Variants in TRAPPC10 observed in about 807,000 individuals in gnomAD.
TRAPPC10 encodes the protein TRAPP 130 kDa subunit.
Under a neutral mutation model 125.5 loss-of-function variants are expected in TRAPPC10, and 23 were observed. That is an observed-to-expected ratio of 0.18 (90% CI 0.13 to 0.26). The LOEUF (loss-of-function observed/expected upper bound fraction) is 0.26. Among genes scored for constraint, TRAPPC10 ranks in the 10% least tolerant of loss-of-function variants. TRAPPC10 has a pLI of 1.00. For missense variants in TRAPPC10, 1,123 were observed against 1,308.4 expected, an observed-to-expected ratio of 0.86 and a Z score of 2.19; for synonymous variants, 509 against 518.0, an observed-to-expected ratio of 0.98 and a Z score of 0.24.
chr21:44,062,465 G>A (rs2036129016), intron 6 of TRAPPC10: 2 of 843,674 alleles, frequency 2.4e-6, no homozygotes, highest in Non-Finnish European at 2.9e-6. Context: ...ATAGGGCACT[G>A]GAGTGGCCTC....
chr21:44,040,296 C>T (rs2034319232), intron 3 of TRAPPC10, among the ~76,000 whole-genome samples: 2 of 152,040 alleles, frequency 1.3e-5, no homozygotes, highest in Admixed American at 1.3e-4. Flanking sequence ...TGCAAGTCTG[C>T]TTCTGTGTTT....
chr21:44,051,628 G>A (rs2035238666), intron 3 of TRAPPC10, among the ~76,000 whole-genome samples: 1 of 152,236 alleles, frequency 6.6e-6, no homozygotes, highest in Admixed American at 6.5e-5. Context: ...TGATTTCTGG[G>A]ATGGCACGGC....
intron 3 of TRAPPC10, among the ~76,000 whole-genome samples, chr21:44,049,149 GC>G (rs1276044045): frequency 6.6e-6 from 1 of 152,100 alleles, no homozygotes; most frequent in Non-Finnish European, 1.5e-5. Context: ...AGTGGGCATG[GC>G]TAGAGAACAC....
intron 3 of TRAPPC10, among the ~76,000 whole-genome samples, chr21:44,041,783 G>A (rs889164775): frequency 6.6e-5 from 10 of 152,012 alleles, no homozygotes; most frequent in Non-Finnish European, 1.5e-4. Flanking sequence ...CTGTAGTGTA[G>A]TGGCGCATTC....
chr21:44,047,955 A>G (rs1235752174), intron 3 of TRAPPC10, among the ~76,000 whole-genome samples: 1 of 152,058 alleles, frequency 6.6e-6, no homozygotes, highest in Non-Finnish European at 1.5e-5. Flanking sequence ...TAGCTTTATG[A>G]TTTGATAGGT....
In TRAPPC10 at chr21:44,037,938, G is replaced by T; in HGVS notation, c.285+11G>T. 1 of 1,612,222 alleles carries T rather than the reference G, an allele frequency of 6.2e-7. No homozygotes were observed. ...TGGACAGAGTGCTGTGTGAGTACCA[G>T]CAGGGGAAGAGGATGCGCGGTGGGA... On this transcript the variant is annotated intron_variant, in intron 3 of 22. Coordinates refer to ENST00000291574, the MANE Select transcript of TRAPPC10 (RefSeq NM_003274.5).
intron 11 of TRAPPC10, 75 bp downstream of exon 11, chr21:44,077,859 G>C: frequency 1.8e-6 from 2 of 1,137,564 alleles, no homozygotes; most frequent in Middle Eastern, 2.4e-4. Flanking sequence ...TATGGAGTTA[G>C]TATAAAGTGC....
chr21:44,034,457 C>T (rs899206952), intron 2 of TRAPPC10, among the ~76,000 whole-genome samples: 10 of 151,872 alleles, frequency 6.6e-5, no homozygotes, highest in East Asian at 1.9e-4. Flanking sequence ...TAAAACCAGC[C>T]GGCCTAGGTT....
At chr21:44,016,686 T>C (rs771889083) in intron 1 of TRAPPC10, among the ~76,000 whole-genome samples, 2 of 152,120 alleles carry the variant, frequency 1.3e-5, no homozygotes, top group Non-Finnish European at 2.9e-5. Flanking sequence ...TGAGACGGAG[T>C]CTTGCTTTGT....
intron 7 of TRAPPC10, among the ~76,000 whole-genome samples, chr21:44,070,145 G>A (rs1353367687): frequency 1.3e-5 from 2 of 152,236 alleles, no homozygotes; most frequent in East Asian, 1.9e-4. Context: ...CATAGCAGGC[G>A]TTCACCTAGG....
At chr21:44,092,690 A>G (rs145183282) in intron 19 of TRAPPC10, among the ~76,000 whole-genome samples, 12 of 152,332 alleles carry the variant, frequency 7.9e-5, no homozygotes, top group Admixed American at 5.2e-4. Context: ...TTTACATGTA[A>G]TAGCGGTGTT....
In TRAPPC10 at chr21:44,079,594, C is replaced by CT; in HGVS notation, c.1501dup (p.Tyr501LeufsTer12). On this transcript the variant is annotated frameshift_variant, in exon 12 of 23. Transcript: ENST00000291574. LOFTEE classifies it high-confidence loss of function. ...AAAAGGCTCCACAAAAGGCAGAAAT[C>CT]TATCTTCAAGGAGCACTGAAAAACT... 6.2e-7 allele frequency: 1 copy of CT among 1,602,146 alleles called. No homozygotes were observed. The highest frequency in any genetic ancestry group is 8.5e-7 in the Non-Finnish European group (1 of 1,177,262).
Position 44,087,800 on chromosome 21 carries a change from G to T in TRAPPC10, c.2641G>T (p.Glu881Ter). 6.2e-7 allele frequency: 1 copy of T among 1,614,208 alleles called. No individual in the cohort carries two copies. ...GTACCACGTGATCGAATTTGAACTG[G>T]AAGTTCTCTCTTTACCTTCAGCCCC... is the stretch of plus-strand genomic sequence containing the variant. Reference protein sequence around the residue: ...PAYHVIEFELEVLSLPSAPAL... With the variant: ...PAYHVIEFEL The change falls in exon 17 of 23, where the codon GAA becomes TAA. Residue 881 changes from glutamate to a stop codon, truncating the protein, a stop_gained. Coordinates refer to ENST00000291574, the MANE Select transcript of TRAPPC10 (RefSeq NM_003274.5). LOFTEE classifies it high-confidence loss of function. This position sits in a 1 kb window ranked among gnomAD's most constrained non-coding sequence, Gnocchi z 4.6.
At position 44,083,093 on chromosome 21, in the gene TRAPPC10, T is replaced by C. The variant is rs2037874069; in HGVS notation, c.2029T>C (p.Tyr677His). 6 of 1,614,016 alleles carry C rather than the reference T, an allele frequency of 3.7e-6. No individual in the cohort carries two copies. The highest frequency in any genetic ancestry group is 1.3e-5 in the African/African-American group (1 of 74,890). Residue 677 changes from tyrosine (Y) to histidine (H), a missense_variant, in exon 14 of 23, where the codon TAT (tyrosine) becomes CAT (histidine). Transcript: ENST00000291574. Reference sequence around the variant, plus strand: ...AAACAGTTTGCCCGCGCTGGAGTTGTATGAAATGTTTGAGAGAAGCCCATC... The same window carrying C: ...AAACAGTTTGCCCGCGCTGGAGTTGCATGAAATGTTTGAGAGAAGCCCATC... ...SQNSLPALELYEMFERSPSDN... is the reference protein window; with the variant it reads ...SQNSLPALELHEMFERSPSDN...
At chr21:44,061,827 A>G (rs2036080870) in intron 6 of TRAPPC10, among the ~76,000 whole-genome samples, 1 of 152,208 alleles carries the variant, frequency 6.6e-6, no homozygotes, top group South Asian at 2.1e-4. Flanking sequence ...TTACCATGAG[A>G]TGACCAGGTT....
rs761619583 is a variant in TRAPPC10, at chr21:44,074,462, A to G, written c.1177A>G (p.Thr393Ala). Residue 393 changes from threonine (T) to alanine (A), a missense_variant, in exon 8 of 23, where the codon ACA becomes GCA. This residue lies in a region of TRAPPC10 where 840 missense variants were observed against 902.0 expected (regional missense o/e 0.93). Coordinates refer to ENST00000291574, the MANE Select transcript of TRAPPC10 (RefSeq NM_003274.5). The part of the protein sequence containing the change: ...AHTVGLWSYA[T>A]EKLKSLGYLC... ...CACTGTGGGGCTATGGAGCTATGCC[A>G]CAGAAAAGGTGCCTACCTGCCCAAG... is the stretch of plus-strand genomic sequence containing the variant. 8 of 1,614,072 alleles carry G rather than the reference A, an allele frequency of 5.0e-6. No homozygotes were observed. The highest frequency in any genetic ancestry group is 5.9e-6 in the Non-Finnish European group (7 of 1,180,026).
chr21:44,015,723 T>C (rs2031759810), intron 1 of TRAPPC10, among the ~76,000 whole-genome samples: 1 of 151,978 alleles, frequency 6.6e-6, no homozygotes, highest in Non-Finnish European at 1.5e-5. Flanking sequence ...CAGTCGATTC[T>C]CCTGCCTCAG....
In TRAPPC10 at chr21:44,032,475, T is replaced by C. The variant is rs566385133; in HGVS notation, c.149+303T>C. ...TCGGCTCACTGCAACCTCCACCTCC[T>C]GGGTTCAAGCAATTCTCCTGCCTCA... On this transcript the variant is annotated intron_variant, in intron 2 of 22. Coordinates refer to ENST00000291574, the MANE Select transcript of TRAPPC10 (RefSeq NM_003274.5). Among the ~76,000 whole-genome samples the C allele has an allele frequency of 8.6e-4, 124 of 144,914 alleles. 1 individual carries two copies. Among genetic ancestry groups the C allele is most frequent in the Non-Finnish European group, 1.5e-3 (101 of 67,014 alleles).
At chr21:44,058,849 A>G (rs1601696365) in intron 5 of TRAPPC10, among the ~76,000 whole-genome samples, 1 of 152,128 alleles carries the variant, frequency 6.6e-6, no homozygotes, top group Non-Finnish European at 1.5e-5. Context: ...TCCCAAGGAC[A>G]GGGGGGTGAC....
Sources: gnomAD v4.1 joint callset for allele counts (sites outside exome capture counted in the v4.1 genomes callset) on GRCh38, gnomAD v4.1.1 for gene constraint, gnomAD v4.1.1 regional missense constraint, Gnocchi (gnomAD v3.1) non-coding constraint, MANE v1.5 for transcripts, NCBI Gene and HGNC (gene_info 2026-07-23, HGNC 2026-07-21) for gene names.